Variants in MARK1 observed in about 807,000 individuals in gnomAD.
MARK1 encodes the protein serine/threonine-protein kinase MARK1.
MARK1 carries 40 observed loss-of-function variants against 96.3 expected under a neutral mutation model. That is an observed-to-expected ratio of 0.42 (90% CI 0.32 to 0.54). The LOEUF is 0.54. Ranked by LOEUF, MARK1 falls within the 20% of genes least tolerant of loss-of-function variation. The probability of loss-of-function intolerance (pLI) is 0.16; values close to 1 mark genes in which losing one functional copy is unlikely to be tolerated. For missense variants in MARK1, 719 were observed against 984.6 expected (o/e 0.73, Z 3.61); for synonymous variants, 317 against 341.2 (o/e 0.93, Z 0.78).
At chr1:220,582,207 A>G (rs1664289589) in intron 3 of MARK1, among the ~76,000 whole-genome samples, 1 of 152,204 alleles carries the variant, frequency 6.6e-6, no homozygotes, top group Non-Finnish European at 1.5e-5. Flanking sequence ...CAACCAGTAT[A>G]ACTTTTCATA....
chr1:220,631,446 T>C (rs1667675049), intron 10 of MARK1, among the ~76,000 whole-genome samples: 1 of 152,188 alleles, frequency 6.6e-6, no homozygotes, highest in Non-Finnish European at 1.5e-5. Flanking sequence ...CTGATCAGAC[T>C]GATAAGCATC....
intron 1 of MARK1, among the ~76,000 whole-genome samples, chr1:220,550,147 CTT>C (rs1225007097): frequency 6.6e-6 from 1 of 152,202 alleles, no homozygotes; most frequent in Non-Finnish European, 1.5e-5. Context: ...GAATCTCTCT[CTT>C]GAGACTGCAT....
chr1:220,609,536 G>A (rs1198462074), intron 6 of MARK1, among the ~76,000 whole-genome samples: 1 of 151,946 alleles, frequency 6.6e-6, no homozygotes, highest in Non-Finnish European at 1.5e-5. Context: ...TTTTAATTGG[G>A]GCATTTAGCC....
At chr1:220,602,061 C>T (rs1248431604) in intron 5 of MARK1, among the ~76,000 whole-genome samples, 1 of 152,108 alleles carries the variant, frequency 6.6e-6, no homozygotes, top group Non-Finnish European at 1.5e-5. Context: ...GAAAATAAAA[C>T]ACTAAATATT....
intron 9 of MARK1, among the ~76,000 whole-genome samples, chr1:220,619,792 A>G (rs536643466): frequency 6.6e-6 from 1 of 152,348 alleles, no homozygotes; most frequent in East Asian, 1.9e-4. Flanking sequence ...GCCTTTACTA[A>G]GATAATTTCA....
At chr1:220,606,133 A>G (rs537967251) in intron 6 of MARK1, among the ~76,000 whole-genome samples, 25 of 152,366 alleles carry the variant, frequency 1.6e-4, no homozygotes, top group African/African-American at 3.8e-4. Context: ...TCCCACCCAC[A>G]GTGTAAAAGC....
chr1:220,541,382 T>C (rs1156406314), intron 1 of MARK1, among the ~76,000 whole-genome samples: 1 of 152,208 alleles, frequency 6.6e-6, no homozygotes, highest in Non-Finnish European at 1.5e-5. Flanking sequence ...GAATTTATAT[T>C]GTGCTGCTAT....
At chr1:220,579,599 C>A in intron 2 of MARK1, 42 bp downstream of exon 2, 1 of 1,543,494 alleles carries the variant, frequency 6.5e-7, no homozygotes, top group South Asian at 1.1e-5. Context: ...CTGGACCTCT[C>A]TGGAGTCTTG....
Position 220,528,958 on chromosome 1 carries a change from G to A in MARK1, c.51+85G>A, listed in dbSNP as rs1023727847. The A allele has an allele frequency of 2.6e-5, 36 of 1,388,828 alleles. No homozygotes were observed. The African/African-American group carries it at 5.3e-4, about 20-fold the overall frequency. 86.0% of individuals were successfully genotyped at this position (1,388,828 alleles called of 1,614,324 possible). On this transcript the variant is annotated intron_variant, in intron 1 of 17. Transcript: ENST00000366917. ...TTCACCCGCGCTTGGGCCGTCCCCC[G>A]TGCCTCGGCGCGGCCACCCGCGGCA...
intron 9 of MARK1, among the ~76,000 whole-genome samples, chr1:220,619,732 A>G (rs1174527751): frequency 6.6e-6 from 1 of 152,168 alleles, no homozygotes; most frequent in African/African-American, 2.4e-5. Flanking sequence ...CAATTAGAAT[A>G]ATTTATTTCT....
intron 1 of MARK1, among the ~76,000 whole-genome samples, chr1:220,542,761 T>G (rs1191721786): frequency 1.3e-5 from 2 of 152,186 alleles, no homozygotes; most frequent in African/African-American, 4.8e-5. Flanking sequence ...CTTACTCTCT[T>G]ATAGTTCAGT....
intron 13 of MARK1, among the ~76,000 whole-genome samples, chr1:220,642,189 G>C (rs1377342659): frequency 6.6e-6 from 1 of 152,194 alleles, no homozygotes; most frequent in East Asian, 1.9e-4. Context: ...CACTGACTTG[G>C]AATCCCCACT....
chr1:220,585,125 G>A (rs530160186), intron 3 of MARK1, among the ~76,000 whole-genome samples: 3 of 152,166 alleles, frequency 2.0e-5, no homozygotes, highest in Non-Finnish European at 1.5e-5. Flanking sequence ...AGGGTTAAAG[G>A]TGGGGATATT....
chr1:220,613,611 A>T (rs1666578713), intron 6 of MARK1, among the ~76,000 whole-genome samples: 1 of 152,224 alleles, frequency 6.6e-6, no homozygotes, highest in Non-Finnish European at 1.5e-5. Flanking sequence ...TTATAATATG[A>T]ACATACTATA....
chr1:220,600,267 A>G (rs1665651597), intron 5 of MARK1, among the ~76,000 whole-genome samples: 1 of 152,182 alleles, frequency 6.6e-6, no homozygotes, highest in Non-Finnish European at 1.5e-5. Flanking sequence ...TATTTCACTG[A>G]TTGTTCACAT....
chr1:220,580,956 G>A (rs1230080969), intron 2 of MARK1, 109 bp from the exon 3 acceptor site: 3 of 403,812 alleles, frequency 7.4e-6, no homozygotes. Flanking sequence ...CACCTAAAAA[G>A]AGCTAAATTA....
chr1:220,598,049 C>T (rs79370212), intron 3 of MARK1, among the ~76,000 whole-genome samples: 2,356 of 152,176 alleles, frequency 0.015, 33 homozygotes, highest in Middle Eastern at 0.044. Context: ...GTAAGTTTTA[C>T]TGTGTATAGT....
chr1:220,615,607 A>G (rs1005628930), intron 6 of MARK1, among the ~76,000 whole-genome samples: 3 of 152,206 alleles, frequency 2.0e-5, no homozygotes, highest in Non-Finnish European at 4.4e-5. Flanking sequence ...TTTCAACACT[A>G]TAATAAACCA....
intron 3 of MARK1, among the ~76,000 whole-genome samples, chr1:220,583,328 T>G (rs569537309): frequency 2.0e-5 from 3 of 152,324 alleles, no homozygotes; most frequent in South Asian, 4.1e-4. Flanking sequence ...ATTACTGCCT[T>G]CCTTTGCAAA....
Sources: gnomAD v4.1 joint callset for allele counts (sites outside exome capture counted in the v4.1 genomes callset) on GRCh38, gnomAD v4.1.1 for gene constraint, MANE v1.5 for transcripts, NCBI Gene and HGNC (gene_info 2026-07-23, HGNC 2026-07-21) for gene names.